Variants in RAD51B observed in about 807,000 individuals in gnomAD.
The protein encoded by RAD51B is RAD51 paralog B.
RAD51B carries 38 observed loss-of-function variants against 42.2 expected under a neutral mutation model. That is an observed-to-expected ratio of 0.90 (90% CI 0.70 to 1.18). The LOEUF (loss-of-function observed/expected upper bound fraction) is 1.18, where lower values mean the gene tolerates loss of function less well. Ranked by LOEUF, RAD51B falls within the 50% of genes most tolerant of loss-of-function variation. RAD51B has a pLI of 0.00. For missense variants in RAD51B, 373 were observed against 400.7 expected (o/e 0.93, Z 0.59); for synonymous variants, 154 against 145.2 (o/e 1.06, Z -0.43).
chr14:68,469,123 G>C (rs1205614027), intron 10 of RAD51B: 1 of 514,740 alleles, frequency 1.9e-6, no homozygotes, highest in Non-Finnish European at 3.9e-6. Context: ...GAGATGCTTA[G>C]GTGAATATCT....
intron 7 of RAD51B, among the ~76,000 whole-genome samples, chr14:67,981,997 C>T (rs755242428): frequency 3.3e-5 from 5 of 152,128 alleles, no homozygotes; most frequent in African/African-American, 7.2e-5. Flanking sequence ...AATGCAGTGG[C>T]GCAGTCTAGG....
chr14:68,109,015 C>T (rs555502369), intron 7 of RAD51B, among the ~76,000 whole-genome samples: 11 of 151,990 alleles, frequency 7.2e-5, no homozygotes, highest in Non-Finnish European at 1.5e-4. Flanking sequence ...AAAACTGATA[C>T]AGAGCAATAT....
intron 8 of RAD51B, among the ~76,000 whole-genome samples, chr14:68,331,087 G>C (rs1252204811): frequency 2.6e-5 from 4 of 152,052 alleles, no homozygotes; most frequent in African/African-American, 7.2e-5. Flanking sequence ...TAGCTGGCCG[G>C]GCGCGGTGGC....
At chr14:68,326,508 G>T (rs2082255725) in intron 8 of RAD51B, among the ~76,000 whole-genome samples, 1 of 152,196 alleles carries the variant, frequency 6.6e-6, no homozygotes, top group Non-Finnish European at 1.5e-5. Context: ...AGTTGGGCTT[G>T]TGTCAATGTA....
intron 7 of RAD51B, among the ~76,000 whole-genome samples, chr14:68,014,903 A>G (rs1412925993): frequency 6.7e-6 from 1 of 150,070 alleles, no homozygotes; most frequent in Non-Finnish European, 1.5e-5. Flanking sequence ...TTTACTGCTC[A>G]GTCACTTATT....
intron 7 of RAD51B, among the ~76,000 whole-genome samples, chr14:67,957,583 C>G (rs945667575): frequency 1.3e-5 from 2 of 152,130 alleles, no homozygotes; most frequent in Admixed American, 6.6e-5. Context: ...AGAAATAAAA[C>G]AGGTAACATT....
chr14:68,471,738 C>T (rs944582195), intron 10 of RAD51B, among the ~76,000 whole-genome samples: 1 of 152,090 alleles, frequency 6.6e-6, no homozygotes, highest in Non-Finnish European at 1.5e-5. Flanking sequence ...AAGAACCCCC[C>T]TCCTCCCAGC....
chr14:68,232,376 A>AG (rs1346922419), intron 7 of RAD51B, among the ~76,000 whole-genome samples: 1 of 151,922 alleles, frequency 6.6e-6, no homozygotes, highest in Non-Finnish European at 1.5e-5. Context: ...AGAAAAAAAA[A>AG]GAAAAGAAAA....
chr14:68,540,346 C>T (rs1412338674), intron 10 of RAD51B: 2 of 1,050,214 alleles, frequency 1.9e-6, no homozygotes, highest in East Asian at 1.1e-4. Context: ...AGCTACGAAT[C>T]CTTGACAATT....
chr14:68,428,707 TTATATATATATATATATATATATATA>T (rs532906803), intron 9 of RAD51B, among the ~76,000 whole-genome samples: 3,576 of 99,544 alleles, frequency 0.036, 278 homozygotes, highest in African/African-American at 0.13. Flanking sequence ...AGGATTTTCT[TTATATATATATATATATATATATATA>T]TATATATATA....
intron 7 of RAD51B, among the ~76,000 whole-genome samples, chr14:67,993,610 G>A (rs1263111252): frequency 2.0e-5 from 3 of 152,120 alleles, no homozygotes; most frequent in Non-Finnish European, 4.4e-5. Flanking sequence ...GACACTTAGG[G>A]TGCTTCCAAA....
At chr14:68,466,214 T>C (rs889469028) in intron 9 of RAD51B, among the ~76,000 whole-genome samples, 2 of 152,322 alleles carry the variant, frequency 1.3e-5, no homozygotes, top group African/African-American at 4.8e-5. Flanking sequence ...AGTATATTGT[T>C]ATTTGGTGAG....
At chr14:68,175,017 C>A (rs994055541) in intron 7 of RAD51B, among the ~76,000 whole-genome samples, 2 of 152,116 alleles carry the variant, frequency 1.3e-5, no homozygotes, top group African/African-American at 4.8e-5. Flanking sequence ...TACCTTTCTC[C>A]AGCCATACTT....
intron 10 of RAD51B, among the ~76,000 whole-genome samples, chr14:68,645,389 A>G (rs2140133608): frequency 6.6e-6 from 1 of 152,304 alleles, no homozygotes; most frequent in East Asian, 1.9e-4. Context: ...ATGCTTATCC[A>G]TTCATTCATC....
chr14:68,276,875 A>ATGGGGTCT (rs1256718284), intron 7 of RAD51B, among the ~76,000 whole-genome samples: 10 of 152,182 alleles, frequency 6.6e-5, no homozygotes, highest in Non-Finnish European at 1.2e-4. Flanking sequence ...TGGCACAGGG[A>ATGGGGTCT]TGGGGTCTTG....
intron 11 of RAD51B, chr14:68,682,810 G>C (rs189073463): frequency 2.3e-5 from 9 of 391,700 alleles, no homozygotes; most frequent in Non-Finnish European, 3.2e-5. Flanking sequence ...GGGAGAGGGC[G>C]GGGAGTTTGC....
chr14:68,642,181 T>C (rs1892475858), intron 10 of RAD51B, among the ~76,000 whole-genome samples: 3 of 152,258 alleles, frequency 2.0e-5, no homozygotes, highest in Admixed American at 2.0e-4. Flanking sequence ...CAAATTGGTA[T>C]AATTTCTTCC....
At chr14:68,334,372 CAT>C (rs1178836865) in intron 8 of RAD51B, among the ~76,000 whole-genome samples, 2 of 152,008 alleles carry the variant, frequency 1.3e-5, no homozygotes, top group African/African-American at 2.4e-5. Context: ...GAAGAGAAAA[CAT>C]ATTTACCATT....
intron 7 of RAD51B, among the ~76,000 whole-genome samples, chr14:67,972,299 T>C (rs558645604): frequency 6.6e-6 from 1 of 152,214 alleles, no homozygotes; most frequent in South Asian, 2.1e-4. Context: ...AAAGCCATTT[T>C]CCCTGTTTAT....
Sources: allele counts gnomAD v4.1 joint callset (sites outside exome capture counted in the v4.1 genomes callset), GRCh38; gene constraint gnomAD v4.1.1; transcripts MANE v1.5; gene names NCBI Gene and HGNC (gene_info 2026-07-23, HGNC 2026-07-21).